The following DAPK1 variants were observed in gnomAD, a reference collection of about 807,000 sequenced individuals.
The protein encoded by DAPK1 is death-associated protein kinase 1.
Under a neutral mutation model 144.9 loss-of-function variants are expected in DAPK1, and 56 were observed. The observed-to-expected ratio is 0.39, with a 90% CI of 0.31 to 0.48. The LOEUF is 0.48. Among genes scored for constraint, DAPK1 ranks in the 20% least tolerant of loss-of-function variants. The probability of loss-of-function intolerance (pLI) is 0.95; values close to 1 mark genes in which losing one functional copy is unlikely to be tolerated. For synonymous variants in DAPK1, 690 were observed against 749.0 expected, an observed-to-expected ratio of 0.92 and a Z score of 1.29; for missense variants, 1,454 against 1,875.4, an observed-to-expected ratio of 0.78 and a Z score of 4.15.
chr9:87,497,930 A>G lies in DAPK1; in HGVS notation c.-286A>G. ...GCCGGGGACTTTGTTCCCTCCGCGG[A>G]GGGGACTCGGCAACTCGCAGCGGCA... On this transcript the variant is annotated 5_prime_UTR_variant, in exon 1 of 26. Transcript: ENST00000408954. 1 of 395,838 alleles carries G rather than the reference A, an allele frequency of 2.5e-6. No homozygotes were observed. The highest frequency in any genetic ancestry group is 4.4e-6 in the Non-Finnish European group (1 of 224,818). The allele number at this position is 395,838 out of a possible 1,614,324, so 24.5% of individuals were successfully genotyped here.
chr9:87,651,416 TA>T (rs1830438591), intron 16 of DAPK1, 110 bp from the exon 17 acceptor site: 1 of 1,021,338 alleles, frequency 9.8e-7, no homozygotes, highest in Admixed American at 1.8e-5. Flanking sequence ...GGGCTTTTAG[TA>T]GTGATCTTGT....
At chr9:87,522,949 A>G (rs1825354274) in intron 2 of DAPK1, among the ~76,000 whole-genome samples, 1 of 152,020 alleles carries the variant, frequency 6.6e-6, no homozygotes, top group South Asian at 2.1e-4. Flanking sequence ...GTAGACTTTT[A>G]TTAATTTGTA....
At chr9:87,606,139 G>T (rs1292084355) in intron 3 of DAPK1, among the ~76,000 whole-genome samples, 2 of 152,134 alleles carry the variant, frequency 1.3e-5, no homozygotes, top group South Asian at 4.1e-4. Flanking sequence ...CTCCTTCTTT[G>T]CAGATACCTT....
chr9:87,662,685 A>C (rs1830906216), intron 18 of DAPK1, among the ~76,000 whole-genome samples: 1 of 145,358 alleles, frequency 6.9e-6, no homozygotes, highest in African/African-American at 2.6e-5. Flanking sequence ...TTGTATTCTG[A>C]AATTTTACTG....
At chr9:87,571,266 A>C (rs1194850480) in intron 2 of DAPK1, among the ~76,000 whole-genome samples, 1 of 151,980 alleles carries the variant, frequency 6.6e-6, no homozygotes, top group East Asian at 1.9e-4. Context: ...CAGAGTCAGC[A>C]TTGCTGGGAA....
intron 2 of DAPK1, among the ~76,000 whole-genome samples, chr9:87,585,533 CA>C (rs1827917765): frequency 6.6e-6 from 1 of 152,190 alleles, no homozygotes; most frequent in African/African-American, 2.4e-5. Context: ...CCAGAATACA[CA>C]GTCTGGGTCT....
chr9:87,680,235 G>C (rs1352337112), intron 19 of DAPK1, among the ~76,000 whole-genome samples: 2 of 152,138 alleles, frequency 1.3e-5, no homozygotes, highest in African/African-American at 4.8e-5. Flanking sequence ...CTCCCGAGTA[G>C]CTGGGACTAC....
intron 24 of DAPK1, among the ~76,000 whole-genome samples, chr9:87,701,271 T>C (rs1250247375): frequency 2.0e-5 from 3 of 152,318 alleles, no homozygotes; most frequent in African/African-American, 7.2e-5. Flanking sequence ...TCCTACACCC[T>C]ACAAAGTCCA....
At chr9:87,630,400 C>G (rs528046993) in intron 3 of DAPK1, among the ~76,000 whole-genome samples, 3 of 152,302 alleles carry the variant, frequency 2.0e-5, no homozygotes, top group Admixed American at 1.3e-4. Context: ...CACTCAAAGT[C>G]TCATGCAGAT....
At chr9:87,693,681 A>G (rs1825156231) in intron 21 of DAPK1, among the ~76,000 whole-genome samples, 1 of 152,150 alleles carries the variant, frequency 6.6e-6, no homozygotes, top group African/African-American at 2.4e-5. Context: ...CCGGTATAAT[A>G]GTCACTTCTT....
intron 2 of DAPK1, among the ~76,000 whole-genome samples, chr9:87,527,526 CT>C (rs1825557549): frequency 1.3e-5 from 2 of 152,208 alleles, no homozygotes; most frequent in Non-Finnish European, 2.9e-5. Flanking sequence ...CAAAATAGAG[CT>C]TGCTCCTGCT....
At chr9:87,702,159 C>G (rs376865413) in intron 24 of DAPK1, among the ~76,000 whole-genome samples, 3 of 152,204 alleles carry the variant, frequency 2.0e-5, no homozygotes, top group African/African-American at 7.2e-5. Flanking sequence ...CTGCACTCAC[C>G]CCTGAGAATT....
intron 23 of DAPK1, among the ~76,000 whole-genome samples, chr9:87,699,647 G>A (rs1825388449): frequency 6.6e-6 from 1 of 152,172 alleles, no homozygotes; most frequent in Admixed American, 6.5e-5. Context: ...TTATCAACTT[G>A]AGACATTTAT....
intron 3 of DAPK1, among the ~76,000 whole-genome samples, chr9:87,621,313 C>T (rs931214902): frequency 1.3e-5 from 2 of 152,184 alleles, no homozygotes; most frequent in African/African-American, 4.8e-5. Context: ...TGGGGAGAGG[C>T]CTGTGCCTCT....
intron 2 of DAPK1, among the ~76,000 whole-genome samples, chr9:87,591,395 GT>G (rs1828127404): frequency 1.3e-5 from 2 of 152,324 alleles, no homozygotes; most frequent in Middle Eastern, 6.8e-3. Context: ...CTTGCATGAT[GT>G]TTTTCAATGC....
intron 2 of DAPK1, chr9:87,553,603 C>G (rs984308158): frequency 4.7e-5 from 7 of 149,406 alleles, no homozygotes. Context: ...TTAAGTGATT[C>G]TCCTGCCTCA....
At chr9:87,662,560 G>GTTTT (rs71507734) in intron 18 of DAPK1, among the ~76,000 whole-genome samples, 5,456 of 31,504 alleles carry the variant, frequency 0.17, 1,441 homozygotes, top group Admixed American at 0.23. Flanking sequence ...TATATTCCTA[G>GTTTT]TTTTTTTTTT....
chr9:87,601,562 T>C (rs1203144420), intron 2 of DAPK1, among the ~76,000 whole-genome samples: 1 of 151,176 alleles, frequency 6.6e-6, no homozygotes, highest in Non-Finnish European at 1.5e-5. Flanking sequence ...TCATGAGAGG[T>C]AGGTACTTGG....
rs537116937 is a variant in DAPK1, at chr9:87,658,079, G to A, written c.1875G>A (p.Val625=). Residue 625 remains valine, a synonymous_variant, in exon 18 of 26, where the codon GTG becomes GTA. Transcript: ENST00000408954. The part of the protein sequence containing the change: ...HLAANNGILD[V]VRYLCLMGAS... ...CGGCCAACAACGGAATCCTAGACGTGGTCCGGTATCTCTGTCTGATGGGAG... is the reference window on the plus strand; with the variant it reads ...CGGCCAACAACGGAATCCTAGACGTAGTCCGGTATCTCTGTCTGATGGGAG... 6 of 1,551,160 alleles carry A rather than the reference G, an allele frequency of 3.9e-6. No individual in the cohort carries two copies. In the African/African-American group the frequency reaches 5.4e-5, roughly 14 times the overall value.
Sources: gnomAD v4.1 joint callset for allele counts (sites outside exome capture counted in the v4.1 genomes callset) on GRCh38, gnomAD v4.1.1 for gene constraint, MANE v1.5 for transcripts, NCBI Gene and HGNC (gene_info 2026-07-23, HGNC 2026-07-21) for gene names.